The following CEP83 variants were observed in gnomAD, a reference collection of about 807,000 sequenced individuals.
CEP83 encodes centrosomal protein 83, also known as centrosomal protein of 83 kDa.
A neutral mutation model predicts 101.9 loss-of-function variants in CEP83; 70 were observed. That is an observed-to-expected ratio of 0.69 (90% CI 0.57 to 0.84). The LOEUF is 0.84. Among genes scored for constraint, CEP83 ranks in the 40% least tolerant of loss-of-function variants. CEP83 has a pLI of 0.00. For synonymous variants in CEP83, 264 were observed against 267.9 expected, an observed-to-expected ratio of 0.99 and a Z score of 0.14; for missense variants, 715 against 787.2, an observed-to-expected ratio of 0.91 and a Z score of 1.10.
chr12:94,279,384 G>T, the CEP83 span: 1 of 1,092,550 alleles, frequency 9.2e-7, no homozygotes, highest in East Asian at 2.4e-5. Context: ...AGGTATTAGT[G>T]GGACTTGCTA....
intron 15 of CEP83, among the ~76,000 whole-genome samples, chr12:94,311,784 G>A (rs1219125525): frequency 2.0e-5 from 3 of 152,132 alleles, no homozygotes; most frequent in African/African-American, 4.8e-5. Context: ...TTTTGGACAC[G>A]ACATCCAGTA....
At chr12:94,365,107 A>C (rs541095587) in intron 11 of CEP83, among the ~76,000 whole-genome samples, 1 of 152,326 alleles carries the variant, frequency 6.6e-6, no homozygotes, top group South Asian at 2.1e-4. Flanking sequence ...GCATAATCCT[A>C]ATATATAAAG....
chr12:94,356,616 T>G (rs2060490620), intron 11 of CEP83, among the ~76,000 whole-genome samples: 1 of 152,254 alleles, frequency 6.6e-6, no homozygotes, highest in African/African-American at 2.4e-5. Context: ...ATTACAGCTA[T>G]ATTTGAGCCT....
chr12:94,430,349 A>G (rs1004419438), intron 2 of CEP83, among the ~76,000 whole-genome samples: 10 of 152,186 alleles, frequency 6.6e-5, no homozygotes, highest in Admixed American at 2.0e-4. Context: ...ACAAGAGAAT[A>G]CTGAAAAATA....
At chr12:94,359,883 A>G (rs561515353) in intron 11 of CEP83, among the ~76,000 whole-genome samples, 1 of 152,314 alleles carries the variant, frequency 6.6e-6, no homozygotes, top group East Asian at 1.9e-4. Context: ...ACCCTCAACA[A>G]AAACACCAGC....
chr12:94,367,874 A>G lies in CEP83; in HGVS notation c.1263T>C (p.Ser421=), dbSNP rs375549397. 2.5e-5 allele frequency: 40 copies of G among 1,613,582 alleles called. No individual in the cohort carries two copies. Among genetic ancestry groups the G allele is most frequent in the Non-Finnish European group, 3.1e-5 (36 of 1,179,762 alleles). Residue 421 remains serine (S), a synonymous_variant, in exon 11 of 17, where the codon TCT becomes TCC. Coordinates refer to ENST00000397809, the MANE Select transcript of CEP83 (RefSeq NM_016122.3). ...ATTTCTCTTCATACTGATCCTTTTC[A>G]GATTGCCTCCAGACATCATGTTCCA... ...MKVEHDVWRQ[S]EKDQYEEKLR...
At chr12:94,366,200 C>A (rs894319505) in intron 11 of CEP83, among the ~76,000 whole-genome samples, 2 of 151,256 alleles carry the variant, frequency 1.3e-5, no homozygotes, top group African/African-American at 4.9e-5. Context: ...AAATGCCCAA[C>A]ATATTAATAA....
chr12:94,401,751 T>C (rs1468555117), intron 5 of CEP83, among the ~76,000 whole-genome samples: 2 of 152,206 alleles, frequency 1.3e-5, no homozygotes, highest in Non-Finnish European at 2.9e-5. Flanking sequence ...ACTGCAGATA[T>C]ACTTTGCTTT....
chr12:94,360,908 C>T (rs1386381995), intron 11 of CEP83, among the ~76,000 whole-genome samples: 2 of 152,242 alleles, frequency 1.3e-5, no homozygotes, highest in South Asian at 2.1e-4. Flanking sequence ...AAAACACATA[C>T]ACCCACAAAT....
At chr12:94,344,727 T>C (rs979559325) in intron 11 of CEP83, among the ~76,000 whole-genome samples, 1 of 152,120 alleles carries the variant, frequency 6.6e-6, no homozygotes, top group African/African-American at 2.4e-5. Flanking sequence ...AGACTCAATA[T>C]TGTTAAGGTA....
chr12:94,305,310 G>T, downstream of CEP83: 1 of 1,464,526 alleles, frequency 6.8e-7, no homozygotes, highest in East Asian at 2.3e-5. Flanking sequence ...GGCTTAATCT[G>T]GCAAAGTTCT....
intron 2 of CEP83, among the ~76,000 whole-genome samples, chr12:94,429,035 T>C (rs1199409112): frequency 6.6e-6 from 1 of 152,178 alleles, no homozygotes; most frequent in African/African-American, 2.4e-5. Flanking sequence ...TGAGAGAAAA[T>C]GGACTATTTA....
downstream of CEP83, chr12:94,306,301 T>C (rs931174224): frequency 3.3e-5 from 5 of 152,088 alleles, no homozygotes; most frequent in African/African-American, 1.2e-4. Flanking sequence ...ATATATATAT[T>C]TGAGGCCCAA....
chr12:94,333,621 T>C lies in CEP83; in HGVS notation c.1438A>G (p.Ile480Val). 1 of 1,612,672 alleles carries C rather than the reference T, an allele frequency of 6.2e-7. No individual in the cohort carries two copies. Among genetic ancestry groups the C allele is most frequent in the South Asian group, 1.1e-5 (1 of 90,616 alleles). ...GACTGTGCAAGTGAAGTCACTTGGA[T>C]CTGCAAACTACTGATTTGCTTAAAA... is the stretch of plus-strand genomic sequence containing the variant. Reference protein sequence around the residue: ...DLKQQISSLQIQVTSLAQSEN... With the variant: ...DLKQQISSLQVQVTSLAQSEN... The change falls in exon 13 of 17, where the codon ATC becomes GTC. Residue 480 changes from isoleucine to valine, a missense_variant. Physicochemically the swap from Ile to Val is conservative, Grantham distance 29. Coordinates refer to ENST00000397809, the MANE Select transcript of CEP83 (RefSeq NM_016122.3).
intron 2 of CEP83, among the ~76,000 whole-genome samples, chr12:94,433,254 C>A (rs574478213): frequency 6.6e-6 from 1 of 151,740 alleles, no homozygotes; most frequent in South Asian, 2.1e-4. Context: ...AAAAATAAGT[C>A]GTTTATTTGC....
rs13377736 is a variant in CEP83 at position 94,419,328 on chromosome 12, G to T, written c.-101-6737C>A. On this transcript the variant is annotated intron_variant, in intron 2 of 16. Transcript: ENST00000397809. Reference sequence around the variant, plus strand: ...AAAGATGTGCAAACTATTTATTATAGGAAAACTGTGGCTAGCTACTGAAAC... The same window carrying T: ...AAAGATGTGCAAACTATTTATTATATGAAAACTGTGGCTAGCTACTGAAAC... Among the ~76,000 whole-genome samples the T allele has an allele frequency of 7.9e-5, 12 of 151,780 alleles. No individual in the cohort carries two copies. In the East Asian group the frequency reaches 1.2e-3, roughly 15 times the overall value.
chr12:94,361,400 A>C (rs1445953929), intron 11 of CEP83: 1 of 152,166 alleles, frequency 6.6e-6, no homozygotes, highest in Non-Finnish European at 1.5e-5. Context: ...CAGAATGCCT[A>C]AGGAGGGGTG....
chr12:94,416,141 T>C (rs941150732), intron 2 of CEP83, among the ~76,000 whole-genome samples: 1 of 152,200 alleles, frequency 6.6e-6, no homozygotes, highest in African/African-American at 2.4e-5. Context: ...AGAAAATATG[T>C]AGTACTAAAT....
intron 1 of CEP83, among the ~76,000 whole-genome samples, chr12:94,444,039 G>T (rs1363811508): frequency 6.6e-6 from 1 of 152,190 alleles, no homozygotes; most frequent in Admixed American, 6.5e-5. Flanking sequence ...AAACCTTGGG[G>T]AAGGATGTCA....
Sources: allele counts gnomAD v4.1 joint callset (sites outside exome capture counted in the v4.1 genomes callset), GRCh38; gene constraint gnomAD v4.1.1; transcripts MANE v1.5; gene names NCBI Gene and HGNC (gene_info 2026-07-23, HGNC 2026-07-21).